Variants in ATOSA observed in about 807,000 individuals in gnomAD.
The protein encoded by ATOSA is atos homolog protein A.
chr15:52,651,844 C>T, the ATOSA span: 1 of 1,533,960 alleles, frequency 6.5e-7, no homozygotes, highest in Non-Finnish European at 8.7e-7. Context: ...AAAAATAAAG[C>T]CGTTAAAAAA....
the ATOSA span, chr15:52,582,236 A>C: frequency 6.2e-7 from 1 of 1,603,588 alleles, no homozygotes; most frequent in Non-Finnish European, 8.5e-7. Flanking sequence ...ATCAACCTCC[A>C]TTGACTTTCT....
At chr15:52,664,905 T>C in the ATOSA span, among the ~76,000 whole-genome samples, 1 of 150,864 alleles carries the variant, frequency 6.6e-6, no homozygotes, top group African/African-American at 2.5e-5. Context: ...GCCACTGCAC[T>C]CCAGCTTGGG....
chr15:52,702,450 C>T, the ATOSA span, among the ~76,000 whole-genome samples: 2 of 152,092 alleles, frequency 1.3e-5, no homozygotes, highest in East Asian at 1.9e-4. Context: ...AAATCACGTC[C>T]TTTGCAGCAA....
chr15:52,704,649 C>G, the ATOSA span, among the ~76,000 whole-genome samples: 1 of 152,002 alleles, frequency 6.6e-6, no homozygotes, highest in Non-Finnish European at 1.5e-5. Context: ...AGAACTTAAA[C>G]AAATTTACAA....
At chr15:52,694,596 G>A in the ATOSA span, among the ~76,000 whole-genome samples, 4 of 152,078 alleles carry the variant, frequency 2.6e-5, no homozygotes, top group Admixed American at 2.6e-4. Context: ...CACTTTGGGA[G>A]GCTGAGGTGA....
At chr15:52,688,361 T>A in the ATOSA span, among the ~76,000 whole-genome samples, 3 of 152,066 alleles carry the variant, frequency 2.0e-5, no homozygotes, top group African/African-American at 4.8e-5. Context: ...ATCATGCAAA[T>A]GTGAACTAAA....
At chr15:52,592,805 T>TCTCCATTAAGACATTAG in the ATOSA span, among the ~76,000 whole-genome samples, 1 of 152,186 alleles carries the variant, frequency 6.6e-6, no homozygotes, top group East Asian at 1.9e-4. Context: ...GTTATTTCAC[T>TCTCCATTAAGACATTAG]CTCCATTAAG....
At chr15:52,640,251 T>C in the ATOSA span, among the ~76,000 whole-genome samples, 1 of 152,086 alleles carries the variant, frequency 6.6e-6, no homozygotes, top group Non-Finnish European at 1.5e-5. Context: ...TAAGACATAT[T>C]ACTCTTTTAT....
chr15:52,624,943 A>C, the ATOSA span, among the ~76,000 whole-genome samples: 856 of 151,938 alleles, frequency 5.6e-3, 5 homozygotes, highest in Middle Eastern at 0.01. Flanking sequence ...ACGCCCAGCT[A>C]ATTTTTTGTA....
At chr15:52,606,625 T>C in the ATOSA span, among the ~76,000 whole-genome samples, 5 of 152,262 alleles carry the variant, frequency 3.3e-5, no homozygotes, top group Non-Finnish European at 7.4e-5. Context: ...TTGAAAAATA[T>C]CACGGCCAGA....
chr15:52,622,986 T>C, the ATOSA span, among the ~76,000 whole-genome samples: 2 of 149,230 alleles, frequency 1.3e-5, no homozygotes, highest in African/African-American at 4.9e-5. Flanking sequence ...AATAAATAAA[T>C]AAATAAATAA....
the ATOSA span, among the ~76,000 whole-genome samples, chr15:52,689,779 G>A: frequency 1.3e-5 from 2 of 152,196 alleles, no homozygotes; most frequent in Non-Finnish European, 2.9e-5. Context: ...CTTTGTGATG[G>A]TGCTGATGGG....
the ATOSA span, chr15:52,609,931 G>A: frequency 6.2e-7 from 1 of 1,610,962 alleles, no homozygotes. Flanking sequence ...TGTTTCTTGT[G>A]ATTTTATATC....
chr15:52,609,597 G>A, the ATOSA span: 1 of 1,612,690 alleles, frequency 6.2e-7, no homozygotes, highest in Non-Finnish European at 8.5e-7. Flanking sequence ...CCTCATTGGT[G>A]TCTTCTGGGG....
chr15:52,677,211 A>G, the ATOSA span, among the ~76,000 whole-genome samples: 1 of 152,216 alleles, frequency 6.6e-6, no homozygotes, highest in South Asian at 2.1e-4. Context: ...TTGGAAGGAA[A>G]TCTGTCATCT....
At chr15:52,704,475 G>A in the ATOSA span, among the ~76,000 whole-genome samples, 8 of 152,114 alleles carry the variant, frequency 5.3e-5, no homozygotes, top group Non-Finnish European at 1.0e-4. Context: ...AACACCAAAA[G>A]CAATGGCAAC....
chr15:52,691,821 C>A, the ATOSA span, among the ~76,000 whole-genome samples: 1 of 150,772 alleles, frequency 6.6e-6, no homozygotes, highest in Admixed American at 6.7e-5. Context: ...GGAGACAGAG[C>A]AAGACCTGTG....
At chr15:52,706,543 G>T in the ATOSA span, among the ~76,000 whole-genome samples, 2 of 151,958 alleles carry the variant, frequency 1.3e-5, no homozygotes, top group Admixed American at 6.6e-5. Flanking sequence ...TGTCTTATAA[G>T]AACAAACAAC....
chr15:52,675,234 A>G, the ATOSA span, among the ~76,000 whole-genome samples: 2 of 152,308 alleles, frequency 1.3e-5, no homozygotes, highest in East Asian at 1.9e-4. Context: ...ATGCTATACC[A>G]TAACATCTTA....
Sources: allele counts gnomAD v4.1 joint callset (sites outside exome capture counted in the v4.1 genomes callset), GRCh38; gene constraint gnomAD v4.1.1; transcripts MANE v1.5; gene names NCBI Gene and HGNC (gene_info 2026-07-23, HGNC 2026-07-21).